The following ANO10 variants were observed in gnomAD, a reference collection of about 807,000 sequenced individuals.
ANO10 encodes anoctamin 10.
Under a neutral mutation model 74.7 loss-of-function variants are expected in ANO10, and 77 were observed. That is an observed-to-expected ratio of 1.03 (90% CI 0.86 to 1.25). The LOEUF (loss-of-function observed/expected upper bound fraction) is 1.25. Among genes scored for constraint, ANO10 ranks in the 50% most tolerant of loss-of-function variants. The pLI, the probability that ANO10 is intolerant of heterozygous loss-of-function variation, is 0.00. For missense variants in ANO10, 721 were observed against 778.1 expected (o/e 0.93, Z 0.87); for synonymous variants, 279 against 284.9 (o/e 0.98, Z 0.21).
At chr3:43,591,021 G>A (rs908089440) in intron 4 of ANO10, among the ~76,000 whole-genome samples, 2 of 152,208 alleles carry the variant, frequency 1.3e-5, no homozygotes, top group African/African-American at 4.8e-5. Context: ...GAGCACAGGG[G>A]GAGGGACAAT....
At chr3:43,466,149 G>A (rs2075601707) in intron 11 of ANO10, among the ~76,000 whole-genome samples, 1 of 151,904 alleles carries the variant, frequency 6.6e-6, no homozygotes, top group South Asian at 2.1e-4. Flanking sequence ...GAGGAGGGTG[G>A]ATCATGAGGT....
intron 11 of ANO10, among the ~76,000 whole-genome samples, chr3:43,449,117 T>A (rs2074728018): frequency 4.6e-5 from 7 of 152,156 alleles, no homozygotes; most frequent in Admixed American, 4.6e-4. Context: ...CCTCAAGTGA[T>A]CCACCCACCT....
chr3:43,670,825 C>T (rs1429539223), intron 1 of ANO10, among the ~76,000 whole-genome samples: 1 of 152,202 alleles, frequency 6.6e-6, no homozygotes, highest in African/African-American at 2.4e-5. Flanking sequence ...ACTCTTTCAA[C>T]TGCCCTACAA....
Position 43,573,371 on chromosome 3 carries a change from T to C in ANO10, c.1218+1438A>G, listed in dbSNP as rs2080836561. ...TTCATTTCCTTACCTGTTCTTTCTCTGTAGGTTTGCCTACTTCCAGAAATC... is the reference window on the plus strand; with the variant it reads ...TTCATTTCCTTACCTGTTCTTTCTCCGTAGGTTTGCCTACTTCCAGAAATC... On this transcript the variant is annotated intron_variant, in intron 7 of 12. Coordinates refer to ENST00000292246, the MANE Select transcript of ANO10 (RefSeq NM_018075.5). Among the ~76,000 whole-genome samples the C allele has an allele frequency of 2.6e-5, 4 of 152,350 alleles. No homozygotes were observed. In the South Asian group the frequency reaches 8.3e-4, roughly 32 times the overall value.
chr3:43,633,475 C>T (rs2149559983), intron 1 of ANO10, among the ~76,000 whole-genome samples: 1 of 152,298 alleles, frequency 6.6e-6, no homozygotes, highest in African/African-American at 2.4e-5. Flanking sequence ...GGCTAAATGG[C>T]TAATGGGTCT....
intron 1 of ANO10, among the ~76,000 whole-genome samples, chr3:43,671,261 T>A (rs1243163687): frequency 6.6e-6 from 1 of 152,162 alleles, no homozygotes; most frequent in African/African-American, 2.4e-5. Context: ...CTTTTAGGAA[T>A]TATAAAGGAA....
intron 12 of ANO10, among the ~76,000 whole-genome samples, chr3:43,426,278 T>C (rs1157350151): frequency 6.6e-6 from 1 of 152,352 alleles, no homozygotes; most frequent in East Asian, 1.9e-4. Context: ...CTATGGTCAC[T>C]CATATTGGCT....
intron 12 of ANO10, among the ~76,000 whole-genome samples, chr3:43,407,214 T>C (rs1471411952): frequency 2.6e-5 from 4 of 152,086 alleles, no homozygotes; most frequent in African/African-American, 9.7e-5. Flanking sequence ...GCAATGGAGA[T>C]ACTTTAGAGA....
At chr3:43,647,153 A>ATATG (rs371712281) in intron 1 of ANO10, among the ~76,000 whole-genome samples, 16 of 141,890 alleles carry the variant, frequency 1.1e-4, no homozygotes, top group Non-Finnish European at 2.0e-4. Flanking sequence ...ATGTGTATAT[A>ATATG]TGTGTGTGTG....
chr3:43,568,747 T>C (rs1448452898), intron 7 of ANO10, among the ~76,000 whole-genome samples: 1 of 141,762 alleles, frequency 7.1e-6, no homozygotes, highest in Non-Finnish European at 1.5e-5. Context: ...AGATCCAAAA[T>C]TGACACCCTA....
In ANO10 at chr3:43,536,882, T is replaced by C. The variant is rs571140836; in HGVS notation, c.1797+12838A>G. ...GTTTTTATACATTTTAAAATTTACC[T>C]TTTAACTTAAATAGAAAATCACTCA... On this transcript the variant is annotated intron_variant, in intron 11 of 12. Coordinates refer to ENST00000292246, the MANE Select transcript of ANO10 (RefSeq NM_018075.5). Among the ~76,000 whole-genome samples the C allele has an allele frequency of 2.6e-5, 4 of 152,094 alleles. No individual in the cohort carries two copies. In the East Asian group the frequency reaches 7.7e-4, roughly 29 times the overall value.
intron 5 of ANO10, among the ~76,000 whole-genome samples, chr3:43,580,086 A>T (rs2081194732): frequency 6.6e-6 from 1 of 151,188 alleles, no homozygotes; most frequent in Non-Finnish European, 1.5e-5. Context: ...TCAAGGCTGC[A>T]GTAAGCTGTG....
At chr3:43,690,545 A>G (rs1403380816) in intron 1 of ANO10, 1 of 161,796 alleles carries the variant, frequency 6.2e-6, no homozygotes, top group Non-Finnish European at 1.3e-5. Flanking sequence ...CAGCACCTCG[A>G]TTACGCCATT....
chr3:43,657,688 C>A (rs540391930), intron 1 of ANO10, among the ~76,000 whole-genome samples: 6 of 152,330 alleles, frequency 3.9e-5, no homozygotes, highest in African/African-American at 1.4e-4. Flanking sequence ...TTCTAGGCCC[C>A]AGGATAGCCT....
chr3:43,434,378 T>C (rs956873340), intron 11 of ANO10, among the ~76,000 whole-genome samples: 5 of 152,220 alleles, frequency 3.3e-5, no homozygotes, highest in Non-Finnish European at 7.3e-5. Flanking sequence ...AAAGAATACA[T>C]GAATAATTCA....
intron 1 of ANO10, among the ~76,000 whole-genome samples, chr3:43,668,604 T>C (rs951432872): frequency 6.6e-6 from 1 of 152,156 alleles, no homozygotes; most frequent in Admixed American, 6.5e-5. Flanking sequence ...GATTTTTGTA[T>C]ACGGTAATAG....
intron 11 of ANO10, among the ~76,000 whole-genome samples, chr3:43,544,653 C>T (rs1405925621): frequency 2.0e-5 from 3 of 151,816 alleles, no homozygotes; most frequent in South Asian, 2.1e-4. Context: ...ATTAGCCAAG[C>T]GTGGTGGTGT....
At position 43,637,355 on chromosome 3, in the gene ANO10, C is replaced by T. The variant is rs143256946; in HGVS notation, c.-11-31492G>A. Among the ~76,000 whole-genome samples the T allele has an allele frequency of 5.5e-3, 832 of 151,860 alleles. 7 individuals are homozygous for T. Among genetic ancestry groups the T allele is most frequent in the African/African-American group, 0.017 (721 of 41,380 alleles). On this transcript the variant is annotated intron_variant, in intron 1 of 3. Coordinates refer to the ANO10 transcript ENST00000413397. ...TGGGGGCGCATGCCTGTAATCCCAG[C>T]CACTCGGGAGATTGAGGCAAGAGGA... is the stretch of plus-strand genomic sequence containing the variant.
At chr3:43,466,631 T>C (rs1205042735) in intron 11 of ANO10, among the ~76,000 whole-genome samples, 1 of 152,108 alleles carries the variant, frequency 6.6e-6, no homozygotes, top group African/African-American at 2.4e-5. Flanking sequence ...AAATGGATCA[T>C]AGGTATAAAT....
Sources: gnomAD v4.1 joint callset for allele counts (sites outside exome capture counted in the v4.1 genomes callset) on GRCh38, gnomAD v4.1.1 for gene constraint, MANE v1.5 for transcripts, NCBI Gene and HGNC (gene_info 2026-07-23, HGNC 2026-07-21) for gene names.